Variants in HIVEP1 observed in about 807,000 individuals in gnomAD.
HIVEP1 encodes HIVEP zinc finger 1.
Under a neutral mutation model 180.0 loss-of-function variants are expected in HIVEP1, and 36 were observed. The ratio of observed to expected loss-of-function variants is 0.20; its 90% CI spans 0.15 to 0.26. The LOEUF (loss-of-function observed/expected upper bound fraction) is 0.26. Ranked by LOEUF, HIVEP1 falls within the 10% of genes least tolerant of loss-of-function variation. The probability of loss-of-function intolerance (pLI) is 1.00; values close to 1 mark genes in which losing one functional copy is unlikely to be tolerated. For synonymous variants in HIVEP1, 1,239 were observed against 1,239.0 expected, an observed-to-expected ratio of 1.00 and a Z score of 0.00; for missense variants, 3,143 against 3,268.7, an observed-to-expected ratio of 0.96 and a Z score of 0.94.
intron 2 of HIVEP1, among the ~76,000 whole-genome samples, chr6:12,042,854 TTC>T (rs1769866570): frequency 6.6e-6 from 1 of 152,202 alleles, no homozygotes; most frequent in Non-Finnish European, 1.5e-5. Context: ...AAATAATGGT[TTC>T]TGTTATAATT....
chr6:12,136,505 C>T (rs963033960), intron 7 of HIVEP1, among the ~76,000 whole-genome samples: 3 of 152,176 alleles, frequency 2.0e-5, no homozygotes, highest in Non-Finnish European at 2.9e-5. Flanking sequence ...TTTACAATTT[C>T]CTCCCTGAAA....
chr6:12,076,820 A>C (rs1772383613), intron 2 of HIVEP1, among the ~76,000 whole-genome samples: 1 of 152,152 alleles, frequency 6.6e-6, no homozygotes, highest in Non-Finnish European at 1.5e-5. Flanking sequence ...ACAGGTAGTG[A>C]GTGAATTTGT....
the HIVEP1 span, among the ~76,000 whole-genome samples, chr6:12,211,996 G>C: frequency 6.6e-6 from 1 of 152,138 alleles, no homozygotes; most frequent in African/African-American, 2.4e-5. Flanking sequence ...AAGAGTGATG[G>C]CACCTCTGGC....
chr6:12,204,019 G>A, the HIVEP1 span, among the ~76,000 whole-genome samples: 1 of 152,070 alleles, frequency 6.6e-6, no homozygotes, highest in East Asian at 1.9e-4. Context: ...GGAGGTTGCA[G>A]TGAGCTGAGT....
intron 7 of HIVEP1, among the ~76,000 whole-genome samples, chr6:12,159,403 A>C (rs1231828051): frequency 2.6e-5 from 4 of 152,072 alleles, no homozygotes; most frequent in Non-Finnish European, 5.9e-5. Context: ...CCAAAAAAAA[A>C]AAATACCTAA....
chr6:12,129,656 G>C (rs116008106), intron 4 of HIVEP1, 103 bp from the exon 5 acceptor site: 1 of 910,112 alleles, frequency 1.1e-6, no homozygotes, highest in Non-Finnish European at 1.8e-6. Flanking sequence ...GCATTTCGTT[G>C]ACCATATGCT....
downstream of HIVEP1, among the ~76,000 whole-genome samples, chr6:12,165,792 C>G (rs1214011087): frequency 6.6e-6 from 1 of 152,128 alleles, no homozygotes; most frequent in Non-Finnish European, 1.5e-5. Flanking sequence ...GCATGGTTTG[C>G]GAGGTGAGAG....
the HIVEP1 span, among the ~76,000 whole-genome samples, chr6:12,208,862 C>T: frequency 6.6e-6 from 1 of 150,734 alleles, no homozygotes; most frequent in Admixed American, 6.6e-5. Context: ...GGTGCACCAT[C>T]TGTGATGTTT....
At chr6:12,106,441 A>G (rs1055971204) in intron 3 of HIVEP1, among the ~76,000 whole-genome samples, 3 of 152,070 alleles carry the variant, frequency 2.0e-5, no homozygotes, top group African/African-American at 7.2e-5. Context: ...AATTTTCTGT[A>G]TGTTTAGAAT....
At chr6:12,147,267 TTTC>T (rs1164594753) in intron 7 of HIVEP1, among the ~76,000 whole-genome samples, 3 of 152,228 alleles carry the variant, frequency 2.0e-5, no homozygotes, top group African/African-American at 7.2e-5. Context: ...TTTATACCCA[TTTC>T]TTCATGTTCT....
intron 7 of HIVEP1, among the ~76,000 whole-genome samples, chr6:12,157,691 C>G (rs1474585603): frequency 6.6e-6 from 1 of 151,820 alleles, no homozygotes; most frequent in Non-Finnish European, 1.5e-5. Flanking sequence ...AAATTGTGTC[C>G]CCATTTATTC....
At chr6:12,070,167 A>C (rs1771874339) in intron 2 of HIVEP1, among the ~76,000 whole-genome samples, 1 of 152,218 alleles carries the variant, frequency 6.6e-6, no homozygotes, top group African/African-American at 2.4e-5. Context: ...TTTTTTAAAA[A>C]TGAGTAGAAG....
At position 12,129,886 on chromosome 6, in the gene HIVEP1, A is replaced by G. The variant is rs374408884; in HGVS notation, c.6203A>G (p.Asp2068Gly). The G allele has an allele frequency of 3.9e-6, 6 of 1,548,208 alleles. No homozygotes were observed. The African/African-American group carries it at 5.5e-5, about 14-fold the overall frequency. The change falls in exon 5 of 9, where the codon GAT becomes GGT. Residue 2068 changes from aspartate (D) to glycine (G), a missense_variant. Physicochemically the swap from Asp to Gly is moderately conservative, Grantham distance 94. Around this residue, in one of 12 missense-constraint regions of HIVEP1, gnomAD observed 1,357 missense variants for 1,260.5 expected, o/e 1.08. Coordinates refer to ENST00000379388, the MANE Select transcript of HIVEP1 (RefSeq NM_002114.4). ...GAACCAAGAAGAATTAAAATATTTG[A>G]TGGAGGGCAAGTACAAATTTTACTT... ...KSEPRRIKIF[D>G]GGYKSNEEYV...
At chr6:12,010,810 C>G (rs1187376036), upstream of HIVEP1, among the ~76,000 whole-genome samples, 1 of 152,166 alleles carries the variant, frequency 6.6e-6, no homozygotes, top group African/African-American at 2.4e-5. Flanking sequence ...ATTTCCACTC[C>G]TTGCTTTCTC....
rs750361782 is a variant in HIVEP1, at chr6:12,161,465, C to T, written c.6514C>T (p.Arg2172Ter). ...TGAAAAACAGAGATTCAGTTATGAG[C>T]GATCTGGATATGATCTTGAAGAATC... ...SDEKQRFSYE[R>*]SGYDLEESDG... is the part of the protein sequence containing the mutation. Residue 2172 changes from arginine (R) to a stop codon, truncating the protein, a stop_gained, in exon 8 of 9, where the codon CGA becomes TGA. Coordinates refer to ENST00000379388, the MANE Select transcript of HIVEP1 (RefSeq NM_002114.4). LOFTEE classifies it high-confidence loss of function. 2.5e-6 allele frequency: 4 copies of T among 1,613,020 alleles called. No individual in the cohort carries two copies. Among genetic ancestry groups the T allele is most frequent in the African/African-American group, 1.3e-5 (1 of 74,996 alleles).
Position 12,122,253 on chromosome 6 carries a change from T to C in HIVEP1, c.2458T>C (p.Ser820Pro), listed in dbSNP as rs766309363. ...PKSPFTPTEKSKQVFLLSVPS... is the reference protein window; with the variant it reads ...PKSPFTPTEKPKQVFLLSVPS... The stretch of plus-strand genomic sequence containing the variant: ...GTCACCTTTCACCCCTACTGAAAAA[T>C]CAAAGCAAGTGTTTCTTCTGTCTGT... Residue 820 changes from serine to proline, a missense_variant, in exon 4 of 9, where the codon TCA (serine) becomes CCA (proline). Ser to Pro is a moderately conservative substitution (Grantham distance 74, BLOSUM62 -1). Coordinates refer to ENST00000379388, the MANE Select transcript of HIVEP1 (RefSeq NM_002114.4). 1.2e-6 allele frequency: 2 copies of C among 1,614,166 alleles called. No homozygotes were observed. Among genetic ancestry groups the C allele is most frequent in the Non-Finnish European group, 1.7e-6 (2 of 1,180,022 alleles).
chr6:12,123,218 C>A lies in HIVEP1; in HGVS notation c.3423C>A (p.Ser1141=). The change falls in exon 4 of 9, where the codon TCC becomes TCA. Residue 1141 remains serine (S), a synonymous_variant. Transcript: ENST00000379388. ...TCTCTGTCATCCAGCACACCAACTCCCTGAGCAGGCCCAACTCATTTGACA... is the reference window on the plus strand; with the variant it reads ...TCTCTGTCATCCAGCACACCAACTCACTGAGCAGGCCCAACTCATTTGACA... The part of the protein sequence containing the change: ...TGISVIQHTN[S]LSRPNSFDKP... 1 of 1,614,174 alleles carries A rather than the reference C, an allele frequency of 6.2e-7. No individual in the cohort carries two copies. Among genetic ancestry groups the A allele is most frequent in the Non-Finnish European group, 8.5e-7 (1 of 1,180,036 alleles).
rs1337110740 is a variant in HIVEP1, at chr6:12,051,016, A to ATATATATATATATATATATATATG, written c.40+35363_40+35364insATATATATGTATATATATATATAT. 3.0e-3 allele frequency among the ~76,000 whole-genome samples: 411 copies of ATATATATATATATATATATATATG among 135,748 alleles called. 2 individuals are homozygous for ATATATATATATATATATATATATG. Among genetic ancestry groups the ATATATATATATATATATATATATG allele is most frequent in the Admixed American group, 4.9e-3 (66 of 13,554 alleles). The allele number at this position is 135,748 out of a possible 152,430, so 89.1% of individuals were successfully genotyped here. A position where few individuals can be genotyped will look rare whatever the true frequency, so the allele number is the denominator to read the frequency against. Reference sequence around the variant, plus strand: ...TACACAAGTGCATATATATATATATATATATATATATATATGTATATTAAA... The same window carrying ATATATATATATATATATATATATG: ...TACACAAGTGCATATATATATATATATATATATATATATATATATATATGTATATATATATATATGTATATTAAA... On this transcript the variant is annotated intron_variant, in intron 2 of 8. Coordinates refer to ENST00000379388, the MANE Select transcript of HIVEP1 (RefSeq NM_002114.4).
At chr6:12,051,624 T>C (rs942045400) in intron 2 of HIVEP1, among the ~76,000 whole-genome samples, 2 of 151,972 alleles carry the variant, frequency 1.3e-5, no homozygotes, top group African/African-American at 4.8e-5. Context: ...TATAAATAGA[T>C]ACAGGTATCT....
Sources: allele counts gnomAD v4.1 joint callset (sites outside exome capture counted in the v4.1 genomes callset), GRCh38; gene constraint gnomAD v4.1.1; regional missense constraint gnomAD v4.1.1; transcripts MANE v1.5; gene names NCBI Gene and HGNC (gene_info 2026-07-23, HGNC 2026-07-21).